MED27: variants seen among roughly 807,000 people sequenced by gnomAD.
The protein encoded by MED27 is mediator of RNA polymerase II transcription subunit 27.
Under a neutral mutation model 38.2 loss-of-function variants are expected in MED27, and 30 were observed. The ratio of observed to expected loss-of-function variants is 0.79; its 90% CI spans 0.59 to 1.07. MED27 has a LOEUF of 1.07. Among genes scored for constraint, MED27 ranks in the 50% least tolerant of loss-of-function variants. MED27 has a pLI of 0.00. For missense variants in MED27, 289 were observed against 397.5 expected (o/e 0.73, Z 2.32); for synonymous variants, 122 against 153.5 (o/e 0.79, Z 1.52).
At chr9:131,900,144 G>T (rs1829910498) in intron 4 of MED27, among the ~76,000 whole-genome samples, 1 of 152,224 alleles carries the variant, frequency 6.6e-6, no homozygotes, top group African/African-American at 2.4e-5. Context: ...GCATCAAGGT[G>T]CACTTGAAGA....
chr9:131,950,581 A>G (rs1006320772), intron 3 of MED27, among the ~76,000 whole-genome samples: 1 of 152,208 alleles, frequency 6.6e-6, no homozygotes, highest in African/African-American at 2.4e-5. Context: ...GAAACGCCAA[A>G]GAGAATGATC....
intron 3 of MED27, among the ~76,000 whole-genome samples, chr9:131,966,811 C>CA (rs1466127752): frequency 1.3e-5 from 2 of 152,250 alleles, no homozygotes; most frequent in East Asian, 3.9e-4. Context: ...TCCTCCTTTA[C>CA]AAAAAATACC....
At chr9:131,902,507 G>A (rs1829969747) in intron 4 of MED27, among the ~76,000 whole-genome samples, 1 of 152,120 alleles carries the variant, frequency 6.6e-6, no homozygotes, top group Admixed American at 6.5e-5. Context: ...TATCGAGCGG[G>A]ACAGTAACTG....
intron 6 of MED27, among the ~76,000 whole-genome samples, chr9:131,870,202 C>T (rs1031638951): frequency 6.6e-6 from 1 of 152,178 alleles, no homozygotes; most frequent in Non-Finnish European, 1.5e-5. Context: ...CAACCCACAT[C>T]GCCATTTACT....
rs113817042 is a variant in MED27 at position 131,874,172 on chromosome 9, C to T, written c.723+9886G>A. 3.4e-3 allele frequency among the ~76,000 whole-genome samples: 518 copies of T among 152,318 alleles called. 1 individual carries two copies. Among genetic ancestry groups the T allele is most frequent in the African/African-American group, 0.011 (463 of 41,548 alleles). On this transcript the variant is annotated intron_variant, in intron 6 of 7. Transcript: ENST00000292035. ...CTCCCGCCCCAACACGTTTTCCTGG[C>T]GCACGTCTGTGCTCAAGTGGCCCCT... is the stretch of plus-strand genomic sequence containing the variant.
At chr9:131,994,484 T>C (rs1832048705) in intron 3 of MED27, among the ~76,000 whole-genome samples, 1 of 152,214 alleles carries the variant, frequency 6.6e-6, no homozygotes, top group Non-Finnish European at 1.5e-5. Flanking sequence ...GGTCCCACTT[T>C]ACGTCTGTTT....
chr9:131,969,578 C>T (rs1303095098), intron 3 of MED27, among the ~76,000 whole-genome samples: 2 of 151,914 alleles, frequency 1.3e-5, no homozygotes, highest in Non-Finnish European at 2.9e-5. Flanking sequence ...GAGGATAAGC[C>T]CGTTGTGCCC....
chr9:131,864,260 T>G (rs912202124), intron 6 of MED27, among the ~76,000 whole-genome samples: 1 of 151,980 alleles, frequency 6.6e-6, no homozygotes, highest in African/African-American at 2.4e-5. Context: ...TCAGGGGGGA[T>G]CACTTGGGCC....
chr9:132,013,735 G>A (rs1266631328), intron 3 of MED27, among the ~76,000 whole-genome samples: 1 of 151,812 alleles, frequency 6.6e-6, no homozygotes, highest in African/African-American at 2.4e-5. Flanking sequence ...TACCACCTTT[G>A]GGAATGTGAT....
intron 1 of MED27, among the ~76,000 whole-genome samples, chr9:132,079,398 C>A (rs1459090182): frequency 6.6e-6 from 1 of 152,142 alleles, no homozygotes; most frequent in African/African-American, 2.4e-5. Flanking sequence ...ATGGAACCGC[C>A]ACAGAAGAGG....
intron 3 of MED27, among the ~76,000 whole-genome samples, chr9:131,999,318 G>A (rs910157766): frequency 1.3e-5 from 2 of 152,122 alleles, no homozygotes; most frequent in Non-Finnish European, 1.5e-5. Flanking sequence ...TCCCAAAGCC[G>A]GTCCTGTCCT....
At chr9:131,973,239 T>A (rs1016506687) in intron 3 of MED27, among the ~76,000 whole-genome samples, 5 of 152,200 alleles carry the variant, frequency 3.3e-5, no homozygotes, top group Non-Finnish European at 7.3e-5. Flanking sequence ...ACCCTGCCTG[T>A]GACAATTATC....
At chr9:131,998,603 C>T (rs1832150043) in intron 3 of MED27, among the ~76,000 whole-genome samples, 1 of 152,164 alleles carries the variant, frequency 6.6e-6, no homozygotes, top group Non-Finnish European at 1.5e-5. Context: ...GTCTAAATGC[C>T]TACTCAATAA....
rs1156439463 is a variant in MED27, at chr9:131,884,059, T to G, written c.722A>C (p.Lys241Thr). Reference protein sequence around the residue: ...WSKSNYQVFQKVTDHATTALL... With the variant: ...WSKSNYQVFQTVTDHATTALL... ...TAAGAAGCAAAAAGTAAAACTTACC[T>G]TCTGGAATACTTGATAGTTGGATTT... is the stretch of plus-strand genomic sequence containing the variant. Residue 241 changes from lysine (K) to threonine (T), a missense_variant and splice_region_variant, in exon 6 of 8, where the codon AAG becomes ACG. Transcript: ENST00000292035. 6.2e-7 allele frequency: 1 copy of G among 1,612,250 alleles called. No homozygotes were observed. The highest frequency in any genetic ancestry group is 8.5e-7 in the Non-Finnish European group (1 of 1,179,110).
intron 4 of MED27, among the ~76,000 whole-genome samples, chr9:131,918,866 G>A (rs544068410): frequency 2.6e-5 from 4 of 152,282 alleles, no homozygotes; most frequent in East Asian, 1.9e-4. Context: ...TACGGAGAAC[G>A]GCCTCCCAGT....
intron 6 of MED27, among the ~76,000 whole-genome samples, chr9:131,867,209 T>A (rs1428215780): frequency 6.6e-6 from 1 of 151,642 alleles, no homozygotes; most frequent in Non-Finnish European, 1.5e-5. Context: ...GCGGGGAGAG[T>A]GGCTCAGATG....
chr9:131,862,321 G>T lies in MED27; in HGVS notation c.801+742C>A, dbSNP rs553169120. On this transcript the variant is annotated intron_variant, in intron 7 of 7. Coordinates refer to ENST00000292035, the MANE Select transcript of MED27 (RefSeq NM_004269.4). The surrounding 1 kb of genome is among the most constrained non-coding windows in gnomAD (Gnocchi z 4.6). ...GAGTCCCAGCAGCGGTGGATGATGG[G>T]GTCTGCTGGCGTGAGAGCATGCGGC... Among the ~76,000 whole-genome samples, 1 of 152,286 alleles carries T rather than the reference G, an allele frequency of 6.6e-6. No individual in the cohort carries two copies. Among genetic ancestry groups the T allele is most frequent in the East Asian group, 1.9e-4 (1 of 5,186 alleles).
intron 6 of MED27, chr9:131,868,916 C>T: frequency 1.0e-6 from 1 of 985,472 alleles, no homozygotes; most frequent in Non-Finnish European, 1.2e-6. Flanking sequence ...AGAAAGTGTC[C>T]TCTTCAGAGG....
At chr9:132,001,131 T>C (rs1832224753) in intron 3 of MED27, among the ~76,000 whole-genome samples, 2 of 152,018 alleles carry the variant, frequency 1.3e-5, no homozygotes, top group South Asian at 2.1e-4. Flanking sequence ...AAGTATATGC[T>C]GTATAGTTCC....
Sources: allele counts gnomAD v4.1 joint callset (sites outside exome capture counted in the v4.1 genomes callset), GRCh38; gene constraint gnomAD v4.1.1; non-coding constraint Gnocchi (gnomAD v3.1); transcripts MANE v1.5; gene names NCBI Gene and HGNC (gene_info 2026-07-23, HGNC 2026-07-21).